The following PLCG2 variants were observed in gnomAD, a reference collection of about 807,000 sequenced individuals.
PLCG2 encodes the protein 1-phosphatidylinositol 4,5-bisphosphate phosphodiesterase gamma-2.
Under a neutral mutation model 175.6 loss-of-function variants are expected in PLCG2, and 69 were observed. The ratio of observed to expected loss-of-function variants is 0.39; its 90% CI spans 0.32 to 0.48. The LOEUF (loss-of-function observed/expected upper bound fraction) is 0.48. PLCG2 is among the 20% of genes least tolerant of loss of function. The pLI is 0.91. For missense variants in PLCG2, 1,798 were observed against 1,650.9 expected, an observed-to-expected ratio of 1.09 and a Z score of -1.54; for synonymous variants, 827 against 624.0, an observed-to-expected ratio of 1.33 and a Z score of -4.85.
chr16:81,891,333 G>T (rs1908621264), intron 10 of PLCG2, 139 bp from the exon 11 acceptor site: 1 of 653,306 alleles, frequency 1.5e-6, no homozygotes, highest in Non-Finnish European at 2.8e-6. Flanking sequence ...GAAAACGTGG[G>T]TAACTGAGGT....
chr16:81,860,841 C>T (rs576780109), intron 5 of PLCG2, among the ~76,000 whole-genome samples: 97 of 152,062 alleles, frequency 6.4e-4, no homozygotes, highest in African/African-American at 2.1e-3. Flanking sequence ...CATGGTAGCA[C>T]GCTCCTGTAG....
At chr16:81,873,287 C>A (rs1336355115) in intron 7 of PLCG2, among the ~76,000 whole-genome samples, 3 of 152,098 alleles carry the variant, frequency 2.0e-5, no homozygotes, top group African/African-American at 4.8e-5. Flanking sequence ...CTCTTTAATC[C>A]CCTCTCCTTT....
At chr16:81,813,158 C>G (rs1349501511) in intron 2 of PLCG2, among the ~76,000 whole-genome samples, 13 of 152,258 alleles carry the variant, frequency 8.5e-5, no homozygotes, top group Middle Eastern at 3.4e-3. Flanking sequence ...GTTATGTGGT[C>G]TCTTTTTTGG....
At chr16:81,886,285 G>C (rs1908362758) in intron 9 of PLCG2, among the ~76,000 whole-genome samples, 1 of 152,178 alleles carries the variant, frequency 6.6e-6, no homozygotes, top group African/African-American at 2.4e-5. Flanking sequence ...GAAAGTGTAG[G>C]AAATCTCTCT....
At chr16:81,900,505 C>G (rs1909102167) in intron 13 of PLCG2, 107 bp from the exon 14 acceptor site, 2 of 978,102 alleles carry the variant, frequency 2.0e-6, no homozygotes, top group Non-Finnish European at 2.9e-6. Flanking sequence ...GCCCCCCGAG[C>G]AGCGCCCGGT....
chr16:81,771,065 A>ATAAATAAAT (rs1475921853), intron 2 of PLCG2, among the ~76,000 whole-genome samples: 9 of 59,680 alleles, frequency 1.5e-4, no homozygotes, highest in African/African-American at 3.1e-4. Context: ...CTCAAAAAAA[A>ATAAATAAAT]AAAAAAATAA....
intron 19 of PLCG2, among the ~76,000 whole-genome samples, chr16:81,914,291 T>C (rs151133454): frequency 6.6e-6 from 1 of 152,320 alleles, no homozygotes; most frequent in Non-Finnish European, 1.5e-5. Context: ...GGATGCCACC[T>C]GTATGTGCAT....
intron 5 of PLCG2, among the ~76,000 whole-genome samples, chr16:81,865,490 G>C (rs1223205692): frequency 6.6e-6 from 1 of 152,170 alleles, no homozygotes; most frequent in African/African-American, 2.4e-5. Context: ...TTTGGACCAG[G>C]TGGGCTCCCA....
At chr16:81,807,257 G>A (rs1246083563) in intron 2 of PLCG2, among the ~76,000 whole-genome samples, 1 of 152,142 alleles carries the variant, frequency 6.6e-6, no homozygotes, top group African/African-American at 2.4e-5. Context: ...GTCAGCTCTG[G>A]GACCCAAGAA....
chr16:81,913,962 C>T (rs757324837), intron 19 of PLCG2, among the ~76,000 whole-genome samples: 16 of 152,256 alleles, frequency 1.1e-4, no homozygotes, highest in Non-Finnish European at 1.6e-4. Flanking sequence ...CAGCCTCCCA[C>T]CAGCATGGCT....
rs1911652546 is a variant in PLCG2, at chr16:81,958,195, CT to C, written c.*199del. ...TATTATTTTCATCTTGGACAACTTT[CT>C]TAACTTATATTCTTTATAGAGGATT... On this transcript the variant is annotated 3_prime_UTR_variant, in exon 33 of 33. Transcript: ENST00000564138. 66 of 596,766 alleles carry C rather than the reference CT, an allele frequency of 1.1e-4. No individual in the cohort carries two copies. The South Asian group carries it at 1.3e-3, about 12-fold the overall frequency. 37.0% of individuals were successfully genotyped at this position (596,766 alleles called of 1,614,324 possible).
intron 9 of PLCG2, among the ~76,000 whole-genome samples, chr16:81,884,904 G>A (rs1908278066): frequency 6.6e-6 from 1 of 151,780 alleles, no homozygotes. Context: ...TTTTGTTTGA[G>A]ATAAGGTCTC....
chr16:81,774,302 A>C (rs1443319773), upstream of PLCG2, among the ~76,000 whole-genome samples: 1 of 151,598 alleles, frequency 6.6e-6, no homozygotes, highest in African/African-American at 2.4e-5. Context: ...GTGAGCTGAG[A>C]TCCAACCACT....
rs771390562 is a variant in PLCG2 at position 81,910,628 on chromosome 16, C to G, written c.1842C>G (p.Ile614Met). 1 of 1,614,078 alleles carries G rather than the reference C, an allele frequency of 6.2e-7. No homozygotes were observed. The highest frequency in any genetic ancestry group is 2.2e-5 in the East Asian group (1 of 44,888). Reference sequence around the variant, plus strand: ...CCTTCAGCAGCATCTATGCCCTCATCCAGCACTACCGCGAGACGCACCTGC... The same window carrying G: ...CCTTCAGCAGCATCTATGCCCTCATGCAGCACTACCGCGAGACGCACCTGC... Reference protein sequence around the residue: ...NLTFSSIYALIQHYRETHLRC... With the variant: ...NLTFSSIYALMQHYRETHLRC... Residue 614 changes from isoleucine (I) to methionine (M), a missense_variant, in exon 18 of 33, where the codon ATC (isoleucine) becomes ATG (methionine). Transcript: ENST00000564138.
rs539108021 is a variant in PLCG2 at position 81,812,043 on chromosome 16, CTT to C, written c.193+25884_193+25885del. Among the ~76,000 whole-genome samples the C allele has an allele frequency of 6.6e-5, 6 of 90,328 alleles. No individual in the cohort carries two copies. The East Asian group carries it at 8.8e-4, about 13-fold the overall frequency. 59.3% of individuals were successfully genotyped at this position (90,328 alleles called of 152,430 possible). The stretch of plus-strand genomic sequence containing the variant: ...CTCTCCAGCATCTGTTGTTTCCTGA[CTT>C]TTTTTTTTTTTTTTTTTTTTTTGAG... On this transcript the variant is annotated intron_variant, in intron 2 of 32. Coordinates refer to ENST00000564138, the MANE Select transcript of PLCG2 (RefSeq NM_002661.5).
intron 2 of PLCG2, among the ~76,000 whole-genome samples, chr16:81,820,438 T>G (rs945751194): frequency 6.6e-6 from 1 of 152,238 alleles, no homozygotes; most frequent in Non-Finnish European, 1.5e-5. Flanking sequence ...GTGTTTTGCA[T>G]TCGACTTCTT....
chr16:81,791,402 T>A lies in PLCG2; in HGVS notation c.193+5220T>A, dbSNP rs140879259. 6.7e-3 allele frequency among the ~76,000 whole-genome samples: 1,013 copies of A among 152,138 alleles called. 10 individuals carry two copies. The highest frequency in any genetic ancestry group is 0.023 in the African/African-American group (942 of 41,488). On this transcript the variant is annotated intron_variant, in intron 2 of 32. Transcript: ENST00000564138. The stretch of plus-strand genomic sequence containing the variant: ...GTCATGTAATATAAACAAGCAGATT[T>A]GTGGGTCATAGATCTGGGCAGAGCT...
At chr16:81,744,558 C>T (rs1190313434) in intron 1 of PLCG2, among the ~76,000 whole-genome samples, 1 of 151,900 alleles carries the variant, frequency 6.6e-6, no homozygotes, top group Non-Finnish European at 1.5e-5. Flanking sequence ...CCATAAATAG[C>T]AGTCATGATG....
intron 2 of PLCG2, among the ~76,000 whole-genome samples, chr16:81,791,887 C>T (rs1014818784): frequency 6.6e-6 from 1 of 152,152 alleles, no homozygotes; most frequent in Non-Finnish European, 1.5e-5. Flanking sequence ...GTTGACCAAA[C>T]ATCTACCATG....
Sources: allele counts gnomAD v4.1 joint callset (sites outside exome capture counted in the v4.1 genomes callset), GRCh38; gene constraint gnomAD v4.1.1; transcripts MANE v1.5; gene names NCBI Gene and HGNC (gene_info 2026-07-23, HGNC 2026-07-21).